Variants in CDH8 observed in about 807,000 individuals in gnomAD.
CDH8 encodes cadherin-8.
Under a neutral mutation model 68.1 loss-of-function variants are expected in CDH8, and 17 were observed. The ratio of observed to expected loss-of-function variants is 0.25; its 90% CI spans 0.17 to 0.37. CDH8 has a LOEUF of 0.37. Among genes scored for constraint, CDH8 ranks in the 10% least tolerant of loss-of-function variants. The probability of loss-of-function intolerance (pLI) is 1.00; values close to 1 mark genes in which losing one functional copy is unlikely to be tolerated. For synonymous variants in CDH8, 372 were observed against 365.1 expected (o/e 1.02, Z -0.21); for missense variants, 763 against 999.3 (o/e 0.76, Z 3.19).
intron 8 of CDH8, among the ~76,000 whole-genome samples, chr16:61,756,403 C>T (rs1486183685): frequency 2.0e-5 from 3 of 152,100 alleles, no homozygotes; most frequent in East Asian, 1.9e-4. Flanking sequence ...TATTATATAG[C>T]GGATTACTAG....
chr16:61,996,948 A>G (rs1431363508), intron 2 of CDH8, among the ~76,000 whole-genome samples: 2 of 152,044 alleles, frequency 1.3e-5, no homozygotes, highest in Non-Finnish European at 2.9e-5. Flanking sequence ...TCTTTCATAT[A>G]TGAGGTTAAT....
At chr16:61,804,005 C>A (rs1376132882) in intron 7 of CDH8, among the ~76,000 whole-genome samples, 1 of 131,380 alleles carries the variant, frequency 7.6e-6, no homozygotes, top group East Asian at 2.0e-4. Context: ...CCCAAATCAA[C>A]AGAATATACA....
chr16:61,800,176 T>C (rs1452635288), intron 7 of CDH8, among the ~76,000 whole-genome samples: 2 of 152,214 alleles, frequency 1.3e-5, no homozygotes, highest in Admixed American at 1.3e-4. Context: ...AATGATGTGC[T>C]TATTTACACA....
At position 61,949,297 on chromosome 16, in the gene CDH8, C is replaced by A. The variant is rs554640297; in HGVS notation, c.253-47824G>T. Reference sequence around the variant, plus strand: ...TCTAGCTAGAGGATTGTAAATGCACCAATCAGCACTCTGTGCTAGCTAAAG... The same window carrying A: ...TCTAGCTAGAGGATTGTAAATGCACAAATCAGCACTCTGTGCTAGCTAAAG... On this transcript the variant is annotated intron_variant, in intron 2 of 11. Coordinates refer to ENST00000577390, the MANE Select transcript of CDH8 (RefSeq NM_001796.5). 3.9e-5 allele frequency among the ~76,000 whole-genome samples: 6 copies of A among 152,146 alleles called. No homozygotes were observed. The South Asian group carries it at 1.2e-3, about 32-fold the overall frequency.
intron 2 of CDH8, among the ~76,000 whole-genome samples, chr16:61,949,753 C>T (rs1360725977): frequency 6.6e-6 from 1 of 151,932 alleles, no homozygotes. Context: ...GAAGCCAAGG[C>T]GGCAGATCAC....
intron 2 of CDH8, among the ~76,000 whole-genome samples, chr16:61,997,605 TTAA>T (rs1965826709): frequency 6.6e-6 from 1 of 152,122 alleles, no homozygotes; most frequent in Non-Finnish European, 1.5e-5. Flanking sequence ...AAATTACTTA[TTAA>T]TAACAAAAGG....
intron 2 of CDH8, among the ~76,000 whole-genome samples, chr16:61,971,596 C>A (rs943153479): frequency 6.6e-6 from 1 of 152,268 alleles, no homozygotes; most frequent in East Asian, 1.9e-4. Context: ...AAATTCAGTT[C>A]TTTTGAATTT....
At chr16:61,847,509 T>G (rs1962831884) in intron 4 of CDH8, among the ~76,000 whole-genome samples, 1 of 147,156 alleles carries the variant, frequency 6.8e-6, no homozygotes, top group South Asian at 2.1e-4. Flanking sequence ...CAATGTTAAT[T>G]AACCCCCTTC....
At chr16:61,778,086 G>A (rs1243159060) in intron 8 of CDH8, among the ~76,000 whole-genome samples, 1 of 151,926 alleles carries the variant, frequency 6.6e-6, no homozygotes, top group Non-Finnish European at 1.5e-5. Context: ...TGTGATTTTG[G>A]GGAGCCTCTT....
intron 2 of CDH8, among the ~76,000 whole-genome samples, chr16:61,911,833 G>A (rs1186181201): frequency 4.6e-5 from 7 of 151,898 alleles, no homozygotes. Flanking sequence ...CAAAAGAAGT[G>A]GATCTTACAG....
At chr16:61,676,035 A>G (rs1963900917) in intron 10 of CDH8, among the ~76,000 whole-genome samples, 1 of 151,612 alleles carries the variant, frequency 6.6e-6, no homozygotes, top group African/African-American at 2.4e-5. Context: ...ACTTAAAGTT[A>G]ACAGTGTCAA....
intron 3 of CDH8, among the ~76,000 whole-genome samples, chr16:61,866,598 T>G (rs1239677386): frequency 6.6e-6 from 1 of 151,982 alleles, no homozygotes; most frequent in Non-Finnish European, 1.5e-5. Context: ...ATATACACAT[T>G]ATATAATTAT....
At chr16:61,892,370 T>C (rs1490712222) in intron 3 of CDH8, among the ~76,000 whole-genome samples, 1 of 152,140 alleles carries the variant, frequency 6.6e-6, no homozygotes, top group African/African-American at 2.4e-5. Context: ...TAAATGAATA[T>C]GAATTTCCAA....
rs1963343620 is a variant in CDH8, at chr16:61,652,539, T to C, written c.*1069A>G. On this transcript the variant is annotated 3_prime_UTR_variant, in exon 12 of 12. Transcript: ENST00000577390. ...CTGCCATCTCCAGTTACAATAACAC[T>C]TTCTACTCTAAAGAGACTATTAGCT... 1.9e-6 allele frequency: 2 copies of C among 1,031,886 alleles called. No individual in the cohort carries two copies. Among genetic ancestry groups the C allele is most frequent in the African/African-American group, 1.7e-5 (1 of 59,408 alleles). 63.9% of individuals were successfully genotyped at this position (1,031,886 alleles called of 1,614,324 possible).
At chr16:61,832,015 G>A (rs910380540) in intron 4 of CDH8, among the ~76,000 whole-genome samples, 14 of 151,604 alleles carry the variant, frequency 9.2e-5, no homozygotes, top group Admixed American at 8.6e-4. Context: ...TTCTATAAGT[G>A]GGGGGGTCAT....
At chr16:61,980,323 T>G (rs1012554413) in intron 2 of CDH8, among the ~76,000 whole-genome samples, 2 of 152,202 alleles carry the variant, frequency 1.3e-5, no homozygotes, top group African/African-American at 4.8e-5. Flanking sequence ...ATGTGAATGG[T>G]GAAGAACACA....
intron 2 of CDH8, among the ~76,000 whole-genome samples, chr16:61,955,633 C>T (rs1433451135): frequency 6.6e-6 from 1 of 151,914 alleles, no homozygotes; most frequent in Non-Finnish European, 1.5e-5. Flanking sequence ...TTACCATTTA[C>T]AAGAAAGAGT....
intron 10 of CDH8, among the ~76,000 whole-genome samples, chr16:61,680,895 T>C (rs1964000754): frequency 6.6e-6 from 1 of 151,948 alleles, no homozygotes; most frequent in South Asian, 2.1e-4. Context: ...CTGGGCATAA[T>C]ATTTAGTACA....
chr16:61,947,922 G>A (rs1188557436), intron 2 of CDH8, among the ~76,000 whole-genome samples: 2 of 152,132 alleles, frequency 1.3e-5, no homozygotes, highest in African/African-American at 2.4e-5. Flanking sequence ...CAGTGAGATA[G>A]TCAGGCAAAC....
Sources: gnomAD v4.1 joint callset for allele counts (sites outside exome capture counted in the v4.1 genomes callset) on GRCh38, gnomAD v4.1.1 for gene constraint, MANE v1.5 for transcripts, NCBI Gene and HGNC (gene_info 2026-07-23, HGNC 2026-07-21) for gene names.